The following ADGRL2 variants were observed in gnomAD, a reference collection of about 807,000 sequenced individuals.
ADGRL2 encodes calcium-independent alpha-latrotoxin receptor 2.
ADGRL2 carries 44 observed loss-of-function variants against 157.4 expected under a neutral mutation model. The observed-to-expected ratio is 0.28, with a 90% confidence interval of 0.22 to 0.36. ADGRL2 has a LOEUF of 0.36. Ranked by LOEUF, ADGRL2 falls within the 10% of genes least tolerant of loss-of-function variation. The pLI, the probability that ADGRL2 is intolerant of heterozygous loss-of-function variation, is 1.00. For missense variants in ADGRL2, 1,510 were observed against 1,768.9 expected (o/e 0.85, Z 2.63); for synonymous variants, 585 against 624.7 (o/e 0.94, Z 0.95).
chr1:81,373,335 C>A (rs1348102571), intron 1 of ADGRL2, among the ~76,000 whole-genome samples: 1 of 152,164 alleles, frequency 6.6e-6, no homozygotes, highest in Non-Finnish European at 1.5e-5. Flanking sequence ...CAAAACCATA[C>A]TTACAGCTGA....
intron 2 of ADGRL2, among the ~76,000 whole-genome samples, chr1:81,553,597 T>C (rs1272789527): frequency 6.6e-6 from 1 of 152,226 alleles, no homozygotes; most frequent in African/African-American, 2.4e-5. Context: ...CTTCTTTATG[T>C]CTGGCTATTA....
At chr1:81,914,160 C>T (rs968807739) in intron 3 of ADGRL2, among the ~76,000 whole-genome samples, 10 of 152,078 alleles carry the variant, frequency 6.6e-5, no homozygotes, top group Non-Finnish European at 1.3e-4. Flanking sequence ...CTCTCGTTGA[C>T]GTACAGTCCT....
intron 3 of ADGRL2, among the ~76,000 whole-genome samples, chr1:81,924,194 G>A (rs1307186081): frequency 1.3e-5 from 2 of 152,084 alleles, no homozygotes; most frequent in Admixed American, 1.3e-4. Flanking sequence ...CTGTTTTTAG[G>A]ATTGCATGGA....
At chr1:81,515,381 G>T (rs947742336) in intron 2 of ADGRL2, among the ~76,000 whole-genome samples, 1 of 151,208 alleles carries the variant, frequency 6.6e-6, no homozygotes, top group African/African-American at 2.4e-5. Context: ...ACATGATAAT[G>T]GTGCCTTCCA....
At chr1:81,405,210 G>A (rs965048280) in intron 1 of ADGRL2, among the ~76,000 whole-genome samples, 29 of 152,032 alleles carry the variant, frequency 1.9e-4, no homozygotes. Context: ...CACTTTCTCA[G>A]GGAAAGTCAA....
chr1:81,867,786 TA>T (rs777643385), intron 2 of ADGRL2, among the ~76,000 whole-genome samples: 20 of 152,208 alleles, frequency 1.3e-4, no homozygotes, highest in Admixed American at 3.9e-4. Flanking sequence ...GTTGAGTGAA[TA>T]ATCAGGAGTT....
chr1:81,904,273 T>G (rs1165182755), intron 2 of ADGRL2, among the ~76,000 whole-genome samples: 1 of 152,176 alleles, frequency 6.6e-6, no homozygotes, highest in East Asian at 1.9e-4. Context: ...TAGTAAAGAT[T>G]AATATATCTG....
rs397980625 is a variant in ADGRL2 at position 81,318,928 on chromosome 1, C to CTTTTTT, written c.-302+12444_-302+12449dup. 5.9e-4 allele frequency among the ~76,000 whole-genome samples: 27 copies of CTTTTTT among 45,832 alleles called. 3 individuals carry two copies. The highest frequency in any genetic ancestry group is 8.7e-4 in the Non-Finnish European group (24 of 27,718). 30.1% of individuals were successfully genotyped at this position (45,832 alleles called of 152,430 possible). On this transcript the variant is annotated intron_variant, in intron 1 of 24. Coordinates refer to the ADGRL2 transcript ENST00000370721. ...TTTTATCCTCCATCCTCCATCAATT[C>CTTTTTT]TTTTTTTTTTTTTTTTTTTTTTTTT...
chr1:81,470,567 CAAATAAATCT>C (rs1158534620), intron 2 of ADGRL2, among the ~76,000 whole-genome samples: 3 of 152,162 alleles, frequency 2.0e-5, no homozygotes, highest in African/African-American at 7.2e-5. Context: ...GACAGCTTTT[CAAATAAATCT>C]TCTTTCGGAG....
At chr1:81,768,234 A>G (rs550031605) in intron 2 of ADGRL2, among the ~76,000 whole-genome samples, 1 of 151,982 alleles carries the variant, frequency 6.6e-6, no homozygotes, top group African/African-American at 2.4e-5. Flanking sequence ...TTTTGTGTAG[A>G]CAGGGGTCTC....
In ADGRL2 at chr1:81,872,125, G is replaced by A. The variant is rs186773929; in HGVS notation, c.74-34892G>A. Among the ~76,000 whole-genome samples the A allele has an allele frequency of 3.1e-3, 473 of 152,224 alleles. 3 individuals are homozygous for A. The highest frequency in any genetic ancestry group is 0.011 in the African/African-American group (438 of 41,522). On this transcript the variant is annotated intron_variant, in intron 2 of 23. Coordinates refer to ENST00000686636, the MANE Select transcript of ADGRL2 (RefSeq NM_001366006.2). Reference sequence around the variant, plus strand: ...ATTTTTGTATAAGGTGTAAGGAAAGGGATCCAGTTTCAGCTTTCTACATAT... The same window carrying A: ...ATTTTTGTATAAGGTGTAAGGAAAGAGATCCAGTTTCAGCTTTCTACATAT...
At chr1:81,725,464 G>A (rs956155413) in intron 1 of ADGRL2, among the ~76,000 whole-genome samples, 5 of 151,998 alleles carry the variant, frequency 3.3e-5, no homozygotes, top group Non-Finnish European at 7.4e-5. Context: ...ATTTGAACTC[G>A]GGAGGTGAAG....
intron 2 of ADGRL2, among the ~76,000 whole-genome samples, chr1:81,888,301 G>A: frequency 6.6e-6 from 1 of 152,114 alleles, no homozygotes; most frequent in South Asian, 2.1e-4. Context: ...TAGTATTTTG[G>A]AAATACTGGA....
chr1:81,419,947 G>T (rs1246718184), intron 1 of ADGRL2, among the ~76,000 whole-genome samples: 1 of 152,140 alleles, frequency 6.6e-6, no homozygotes, highest in Non-Finnish European at 1.5e-5. Flanking sequence ...ATTAGTCAAA[G>T]GATTAGATAT....
intron 2 of ADGRL2, among the ~76,000 whole-genome samples, chr1:81,564,054 A>C (rs182113049): frequency 2.1e-3 from 323 of 152,330 alleles, no homozygotes; most frequent in Non-Finnish European, 3.8e-3. Flanking sequence ...GCAAATCCAC[A>C]CACAGCCCAG....
chr1:81,896,196 A>G (rs902615018), intron 2 of ADGRL2, among the ~76,000 whole-genome samples: 2 of 152,226 alleles, frequency 1.3e-5, no homozygotes, highest in African/African-American at 4.8e-5. Flanking sequence ...GACAGTGAAT[A>G]CATTATACAG....
intron 1 of ADGRL2, among the ~76,000 whole-genome samples, chr1:81,400,335 T>C (rs144026324): frequency 6.6e-6 from 1 of 152,150 alleles, no homozygotes; most frequent in East Asian, 2.0e-4. Flanking sequence ...ACCTGGACTT[T>C]GGGATTCAAG....
intron 1 of ADGRL2, among the ~76,000 whole-genome samples, chr1:81,354,491 C>T (rs55917245): frequency 0.018 from 2,679 of 152,210 alleles, 84 homozygotes; most frequent in African/African-American, 0.061. Flanking sequence ...AAAGAAAGAA[C>T]AAGAGTTGAA....
chr1:81,558,863 T>G (rs2080375914), intron 2 of ADGRL2, among the ~76,000 whole-genome samples: 1 of 152,212 alleles, frequency 6.6e-6, no homozygotes, highest in East Asian at 1.9e-4. Flanking sequence ...ACCAGGTTCT[T>G]GGACTGGTGT....
Sources: allele counts gnomAD v4.1 joint callset (sites outside exome capture counted in the v4.1 genomes callset), GRCh38; gene constraint gnomAD v4.1.1; transcripts MANE v1.5; gene names NCBI Gene and HGNC (gene_info 2026-07-23, HGNC 2026-07-21).